The following GPC3 variants were observed in gnomAD, a reference collection of about 807,000 sequenced individuals.
GPC3 encodes glypican-3.
In GPC3, 3 loss-of-function variants were observed where a neutral mutation model predicts 34.4. That is an observed-to-expected ratio of 0.09 (90% CI 0.04 to 0.23). GPC3 has a LOEUF of 0.23. GPC3 is among the 10% of genes least tolerant of loss of function. The pLI is 1.00. For missense variants in GPC3, 351 were observed against 445.6 expected, an observed-to-expected ratio of 0.79 and a Z score of 1.91; for synonymous variants, 177 against 174.0, an observed-to-expected ratio of 1.02 and a Z score of -0.13.
At chrX:133,847,611 G>A (rs1299167505) in intron 2 of GPC3, among the ~76,000 whole-genome samples, 2 of 111,971 alleles carry the variant, frequency 1.8e-5, no homozygotes, top group African/African-American at 6.5e-5. Context: ...ACAACAGTGA[G>A]CACACACACG....
intron 6 of GPC3, among the ~76,000 whole-genome samples, chrX:133,598,703 T>C (rs1010370079): frequency 1.8e-5 from 2 of 112,019 alleles, no homozygotes; most frequent in Non-Finnish European, 3.8e-5. Flanking sequence ...AATATGAAAC[T>C]ATATAAATAA....
At chrX:133,798,199 G>A (rs1697885405) in intron 2 of GPC3, among the ~76,000 whole-genome samples, 1 of 111,801 alleles carries the variant, frequency 8.9e-6, no homozygotes, top group African/African-American at 3.3e-5. Context: ...AGATCAGAGT[G>A]TAAATAATTA....
intron 2 of GPC3, among the ~76,000 whole-genome samples, chrX:133,895,239 T>C (rs761897302): frequency 8.9e-6 from 1 of 112,076 alleles, no homozygotes; most frequent in East Asian, 2.8e-4. Context: ...TTTGGGCAGC[T>C]TACGTTGTTG....
At chrX:133,668,061 C>T (rs1200533984) in intron 5 of GPC3, among the ~76,000 whole-genome samples, 2 of 107,894 alleles carry the variant, frequency 1.9e-5, no homozygotes, top group East Asian at 6.0e-4. Context: ...TGCCACCACA[C>T]CTGGCTAATT....
chrX:133,849,290 G>A (rs1483978894), intron 2 of GPC3, among the ~76,000 whole-genome samples: 1 of 109,520 alleles, frequency 9.1e-6, no homozygotes, highest in Non-Finnish European at 1.9e-5. Flanking sequence ...AAAATAAAAC[G>A]TATTCTCACC....
At chrX:133,685,427 C>T (rs969070033) in intron 5 of GPC3, among the ~76,000 whole-genome samples, 2 of 111,852 alleles carry the variant, frequency 1.8e-5, no homozygotes, top group Non-Finnish European at 3.8e-5. Flanking sequence ...ACGGACAAAA[C>T]TCTGAGAATT....
chrX:133,834,851 C>T (rs2075792391), intron 2 of GPC3, among the ~76,000 whole-genome samples: 1 of 111,503 alleles, frequency 9.0e-6, no homozygotes, highest in Non-Finnish European at 1.9e-5. Context: ...CATGAGAGAC[C>T]ATATAATAAA....
chrX:133,540,616 C>T (rs1029736483), intron 7 of GPC3, among the ~76,000 whole-genome samples: 10 of 111,200 alleles, frequency 9.0e-5, no homozygotes, highest in African/African-American at 2.3e-4. Context: ...ACTGCTTGGA[C>T]GATAGGTGCA....
At chrX:133,984,980 C>T (rs1230525411) in intron 1 of GPC3, among the ~76,000 whole-genome samples, 1 of 111,852 alleles carries the variant, frequency 8.9e-6, no homozygotes, top group Non-Finnish European at 1.9e-5. Context: ...ATAGCTCCCA[C>T]CTTCTCGCCC....
intron 2 of GPC3, among the ~76,000 whole-genome samples, chrX:133,938,994 A>T (rs1045666583): frequency 8.9e-6 from 1 of 111,989 alleles, no homozygotes; most frequent in Non-Finnish European, 1.9e-5. Flanking sequence ...AATTTTCTTA[A>T]ATAATTCTCC....
chrX:133,829,241 G>A (rs1172406423), intron 2 of GPC3, among the ~76,000 whole-genome samples: 1 of 111,982 alleles, frequency 8.9e-6, no homozygotes, highest in African/African-American at 3.2e-5. Flanking sequence ...TTTTATAACG[G>A]TAAAGGGTTA....
chrX:133,943,782 T>A (rs944737864), intron 2 of GPC3, among the ~76,000 whole-genome samples: 5 of 111,756 alleles, frequency 4.5e-5, no homozygotes, highest in South Asian at 7.7e-4. Flanking sequence ...GTTCACAGTG[T>A]TCTGGGAAGA....
rs753166310 is a variant in GPC3, at chrX:133,781,861, C to T, written c.338-27685G>A. ...CCTGAAAGAGAATTGGGCATGATTCCTTTCCTGAAGAAATTTACTGTCTGG... is the reference window on the plus strand; with the variant it reads ...CCTGAAAGAGAATTGGGCATGATTCTTTTCCTGAAGAAATTTACTGTCTGG... On this transcript the variant is annotated intron_variant, in intron 2 of 7. Transcript: ENST00000370818. Among the ~76,000 whole-genome samples, 9 of 112,019 alleles carry T rather than the reference C, an allele frequency of 8.0e-5. No homozygotes were observed. In the East Asian group the frequency reaches 2.5e-3, roughly 32 times the overall value.
intron 2 of GPC3, among the ~76,000 whole-genome samples, chrX:133,885,201 A>C: frequency 8.9e-6 from 1 of 112,052 alleles, no homozygotes; most frequent in Non-Finnish European, 1.9e-5. Flanking sequence ...TGCTTAACCC[A>C]ATGTAACAAT....
chrX:133,857,372 A>C (rs779589680), intron 2 of GPC3, among the ~76,000 whole-genome samples: 1 of 112,429 alleles, frequency 8.9e-6, no homozygotes, highest in East Asian at 2.8e-4. Context: ...TTTTAAAATT[A>C]TTGTTCTTTG....
At chrX:133,586,328 C>T (rs1028476712) in intron 7 of GPC3, among the ~76,000 whole-genome samples, 4 of 111,578 alleles carry the variant, frequency 3.6e-5, no homozygotes, top group African/African-American at 1.3e-4. Flanking sequence ...CTGGGAGCTT[C>T]GCAAAGCTCT....
intron 2 of GPC3, among the ~76,000 whole-genome samples, chrX:133,920,161 C>CA (rs776900070): frequency 0.032 from 2,683 of 83,912 alleles, 29 homozygotes; most frequent in Non-Finnish European, 0.035. Flanking sequence ...AAGATCCTGT[C>CA]AAAAAAAAAA....
At chrX:133,601,610 G>C (rs373295392) in intron 6 of GPC3, among the ~76,000 whole-genome samples, 1 of 111,844 alleles carries the variant, frequency 8.9e-6, no homozygotes, top group East Asian at 2.8e-4. Context: ...ATTGTTTCCT[G>C]TTATTTTGCT....
chrX:133,585,749 A>G (rs181315868), intron 7 of GPC3, among the ~76,000 whole-genome samples: 148 of 111,483 alleles, frequency 1.3e-3, no homozygotes, highest in Admixed American at 2.5e-3. Context: ...GAACCTCTCC[A>G]TCCCTTTCCT....
Sources: gnomAD v4.1 joint callset for allele counts (sites outside exome capture counted in the v4.1 genomes callset) on GRCh38, gnomAD v4.1.1 for gene constraint, MANE v1.5 for transcripts, NCBI Gene and HGNC (gene_info 2026-07-23, HGNC 2026-07-21) for gene names.